The following SHTN1 variants were observed in gnomAD, a reference collection of about 807,000 sequenced individuals.
The protein encoded by SHTN1 is shootin-1.
Under a neutral mutation model 83.1 loss-of-function variants are expected in SHTN1, and 42 were observed. The ratio of observed to expected loss-of-function variants is 0.51; its 90% confidence interval spans 0.39 to 0.65. SHTN1 has a LOEUF of 0.65. SHTN1 is among the 30% of genes least tolerant of loss of function. The pLI, the probability that SHTN1 is intolerant of heterozygous loss-of-function variation, is 0.00. For synonymous variants in SHTN1, 224 were observed against 247.7 expected (o/e 0.90, Z 0.90); for missense variants, 622 against 737.8 (o/e 0.84, Z 1.82).
intron 4 of SHTN1, among the ~76,000 whole-genome samples, chr10:116,959,138 C>T (rs554771981): frequency 3.8e-4 from 58 of 152,220 alleles, no homozygotes; most frequent in African/African-American, 1.1e-3. Context: ...TAGGAATGTG[C>T]CGCAGAGTAA....
At chr10:117,006,441 C>G (rs1390038277), upstream of SHTN1, among the ~76,000 whole-genome samples, 1 of 151,642 alleles carries the variant, frequency 6.6e-6, no homozygotes, top group Non-Finnish European at 1.5e-5. Context: ...TGGCAGGCGC[C>G]TGTAGTCCCA....
rs1461628655 is a variant in SHTN1 at position 116,929,914 on chromosome 10, T to A, written c.947A>T (p.Asp316Val). 1 of 1,609,876 alleles carries A rather than the reference T, an allele frequency of 6.2e-7. No individual in the cohort carries two copies. The highest frequency in any genetic ancestry group is 8.5e-7 in the Non-Finnish European group (1 of 1,177,688). Residue 316 changes from aspartate (D) to valine (V), a missense_variant, in exon 10 of 17, where the codon GAT becomes GTT. Physicochemically the swap from Asp to Val is radical, Grantham distance 152. Coordinates refer to ENST00000355371, the MANE Select transcript of SHTN1 (RefSeq NM_001127211.3). ...ATATTTCAATTCCAATTCCTTTTTA[T>A]CTTCCTCTAGAAGCTCCAGTTGCTG... ...LKQQLELLEEDKKELELKYQN... is the reference protein window; with the variant it reads ...LKQQLELLEEVKKELELKYQN...
At chr10:117,083,925 T>C (rs563377856) in intron 1 of SHTN1, among the ~76,000 whole-genome samples, 12,225 of 151,492 alleles carry the variant, frequency 0.081, 659 homozygotes, top group Middle Eastern at 0.12. Flanking sequence ...TCTGTGTTGG[T>C]TATTCTAGTT....
chr10:117,063,949 C>T (rs915729042), intron 1 of SHTN1, among the ~76,000 whole-genome samples: 10 of 152,118 alleles, frequency 6.6e-5, no homozygotes, highest in Non-Finnish European at 1.5e-5. Context: ...ATATACTTTT[C>T]ACCATATTCC....
At chr10:117,090,370 C>T (rs751798090) in intron 1 of SHTN1, among the ~76,000 whole-genome samples, 3 of 152,056 alleles carry the variant, frequency 2.0e-5, no homozygotes, top group African/African-American at 4.8e-5. Context: ...TTCATAGAGA[C>T]AGAAAGTAGA....
chr10:117,009,216 C>A (rs1289652252), upstream of SHTN1, among the ~76,000 whole-genome samples: 2 of 151,784 alleles, frequency 1.3e-5, no homozygotes, highest in African/African-American at 4.8e-5. Flanking sequence ...TTTTTAAAAA[C>A]TAAGTATAAA....
chr10:116,980,503 C>T (rs1850975561), intron 1 of SHTN1, among the ~76,000 whole-genome samples: 1 of 150,302 alleles, frequency 6.7e-6, no homozygotes, highest in African/African-American at 2.5e-5. Context: ...CTATTTTGCC[C>T]AGCCTGGTCA....
At chr10:116,898,120 G>C (rs572091153) in intron 16 of SHTN1, among the ~76,000 whole-genome samples, 1 of 152,194 alleles carries the variant, frequency 6.6e-6, no homozygotes, top group African/African-American at 2.4e-5. Flanking sequence ...CTGAGGTCAG[G>C]AGTTCAAGAC....
intron 1 of SHTN1, among the ~76,000 whole-genome samples, chr10:117,064,659 A>AG (rs1312203531): frequency 6.6e-6 from 1 of 151,468 alleles, no homozygotes; most frequent in Non-Finnish European, 1.5e-5. Flanking sequence ...TGTCTCAAAA[A>AG]AAAAAAAAAA....
chr10:117,078,476 C>T (rs890498871), intron 1 of SHTN1, among the ~76,000 whole-genome samples: 5 of 152,156 alleles, frequency 3.3e-5, no homozygotes, highest in Non-Finnish European at 7.3e-5. Context: ...TAGATTGTGG[C>T]CACATCATTA....
chr10:117,054,435 T>G (rs1402001889), intron 1 of SHTN1, among the ~76,000 whole-genome samples: 1 of 149,230 alleles, frequency 6.7e-6, no homozygotes. Flanking sequence ...AGATGGAGTC[T>G]CACTCTATCG....
intron 3 of SHTN1, among the ~76,000 whole-genome samples, chr10:116,963,141 G>T (rs1366543151): frequency 1.7e-5 from 2 of 118,430 alleles, no homozygotes; most frequent in African/African-American, 6.3e-5. Flanking sequence ...GCGCAATCTC[G>T]GCTCACTGCA....
intron 1 of SHTN1, among the ~76,000 whole-genome samples, chr10:117,111,620 G>A (rs898912967): frequency 6.6e-6 from 1 of 152,100 alleles, no homozygotes; most frequent in Non-Finnish European, 1.5e-5. Flanking sequence ...CAAGTTTCCT[G>A]TTGATGCTGA....
At chr10:117,111,311 T>C (rs1853765033) in intron 1 of SHTN1, among the ~76,000 whole-genome samples, 1 of 151,994 alleles carries the variant, frequency 6.6e-6, no homozygotes. Context: ...TTTCTTTCTT[T>C]GAGATGGAGT....
chr10:117,005,128 G>A lies in SHTN1; in HGVS notation c.-49C>T. 6.4e-7 allele frequency: 1 copy of A among 1,563,546 alleles called. No homozygotes were observed. Reference sequence around the variant, plus strand: ...AAAGGGAAAGAGGGAGCGGCGCGGGGCACACAGGAGGAGGGGGAAGAAAAA... The same window carrying A: ...AAAGGGAAAGAGGGAGCGGCGCGGGACACACAGGAGGAGGGGGAAGAAAAA... On this transcript the variant is annotated 5_prime_UTR_variant, in exon 1 of 17. Transcript: ENST00000355371.
chr10:116,919,852 C>G (rs1848492241), intron 12 of SHTN1, among the ~76,000 whole-genome samples: 1 of 47,792 alleles, frequency 2.1e-5, no homozygotes, highest in South Asian at 1.4e-3. Context: ...AAGGCAGGCA[C>G]AGAAAGCCAA....
chr10:116,925,373 G>A (rs1015782213), intron 11 of SHTN1, among the ~76,000 whole-genome samples: 2 of 152,024 alleles, frequency 1.3e-5, no homozygotes, highest in Admixed American at 6.6e-5. Context: ...TCTTGCTTTC[G>A]AACTTGAACT....
chr10:117,022,938 G>A (rs910899807), intron 2 of SHTN1, among the ~76,000 whole-genome samples: 1 of 152,026 alleles, frequency 6.6e-6, no homozygotes, highest in Non-Finnish European at 1.5e-5. Context: ...ATAAATAAAT[G>A]CAAGTGTATC....
rs1564913691 is a variant in SHTN1 at position 116,983,680 on chromosome 10, ATAGATAAATACATACATACATAC to A, written c.59-4395_59-4373del. Among the ~76,000 whole-genome samples the A allele has an allele frequency of 3.3e-3, 167 of 50,810 alleles. 1 individual carries two copies. Among genetic ancestry groups the A allele is most frequent in the African/African-American group, 5.7e-3 (105 of 18,398 alleles). 33.3% of individuals were successfully genotyped at this position (50,810 alleles called of 152,430 possible). A position where few individuals can be genotyped will look rare whatever the true frequency, so the allele number is the denominator to read the frequency against. ...GATAGATAGATAGATAGATAGATAG[ATAGATAAATACATACATACATAC>A]ATACATACATACATACATACATGCA... On this transcript the variant is annotated intron_variant, in intron 1 of 16. Transcript: ENST00000355371.
Sources: gnomAD v4.1 joint callset for allele counts (sites outside exome capture counted in the v4.1 genomes callset) on GRCh38, gnomAD v4.1.1 for gene constraint, MANE v1.5 for transcripts, NCBI Gene and HGNC (gene_info 2026-07-23, HGNC 2026-07-21) for gene names.